Variants in ERCC4 observed in about 807,000 individuals in gnomAD.
ERCC4 encodes the protein ERCC excision repair 4, endonuclease catalytic subunit, also known as DNA repair endonuclease XPF.
Under a neutral mutation model 76.9 loss-of-function variants are expected in ERCC4, and 65 were observed. That is an observed-to-expected ratio of 0.84 (90% CI 0.69 to 1.04). ERCC4 has a LOEUF of 1.04. Ranked by LOEUF, ERCC4 falls within the 50% of genes least tolerant of loss-of-function variation. The pLI, the probability that ERCC4 is intolerant of heterozygous loss-of-function variation, is 0.00. For missense variants in ERCC4, 1,214 were observed against 1,128.2 expected (o/e 1.08, Z -1.09); for synonymous variants, 463 against 410.1 (o/e 1.13, Z -1.56).
At chr16:13,922,400 C>A in intron 2 of ERCC4, 189 bp downstream of exon 2, 1 of 760,594 alleles carries the variant, frequency 1.3e-6, no homozygotes, top group Admixed American at 1.7e-5. Context: ...GGTGTTCGGT[C>A]CTTGCAGGCT....
chr16:13,940,042 A>G (rs1019480087), intron 9 of ERCC4, among the ~76,000 whole-genome samples: 2 of 152,234 alleles, frequency 1.3e-5, no homozygotes, highest in African/African-American at 2.4e-5. Context: ...TAGAACTCAC[A>G]TGAGTCAGAA....
chr16:13,922,621 G>A, intron 2 of ERCC4: 1 of 585,196 alleles, frequency 1.7e-6, no homozygotes, highest in South Asian at 1.7e-5. Context: ...GCAGCAAATA[G>A]GCTGCACATG....
chr16:13,920,408 G>A, intron 1 of ERCC4, 36 bp downstream of exon 1: 2 of 1,522,340 alleles, frequency 1.3e-6, no homozygotes, highest in Non-Finnish European at 1.8e-6. Context: ...AGGGGACTCC[G>A]AGAGTGTTGA....
rs565318315 is a variant in ERCC4 at position 13,948,886 on chromosome 16, G to A, written c.*539G>A. The A allele has an allele frequency of 1.9e-4, 45 of 232,458 alleles. No homozygotes were observed. Among genetic ancestry groups the A allele is most frequent in the Admixed American group, 5.6e-4 (10 of 17,756 alleles). The allele number at this position is 232,458 out of a possible 1,614,324, so 14.4% of individuals were successfully genotyped here. On this transcript the variant is annotated 3_prime_UTR_variant, in exon 11 of 11. Coordinates refer to ENST00000311895, the MANE Select transcript of ERCC4 (RefSeq NM_005236.3). ...AACTGATGTTTGTGTAGGAAATCAT[G>A]TTCTGACCCTTTGTCTACAAAGGAG...
Position 13,926,696 on chromosome 16 carries a change from T to G in ERCC4, c.524T>G (p.Phe175Cys). Reference sequence around the variant, plus strand: ...AATGCTGTTGCCTTTGATACTGGTTTTTGTCATGTGGAAAGAGTGATGAGA... The same window carrying G: ...AATGCTGTTGCCTTTGATACTGGTTGTTGTCATGTGGAAAGAGTGATGAGA... ...TDNAVAFDTG[F>C]CHVERVMRNL... The change falls in exon 3 of 11, where the codon TTT becomes TGT. Residue 175 changes from phenylalanine (F) to cysteine (C), a missense_variant. Coordinates refer to ENST00000311895, the MANE Select transcript of ERCC4 (RefSeq NM_005236.3). 2.5e-6 allele frequency: 4 copies of G among 1,614,172 alleles called. No individual in the cohort carries two copies. The highest frequency in any genetic ancestry group is 3.4e-6 in the Non-Finnish European group (4 of 1,180,018).
At chr16:13,920,611 G>C (rs1798475322) in intron 1 of ERCC4, among the ~76,000 whole-genome samples, 1 of 151,962 alleles carries the variant, frequency 6.6e-6, no homozygotes, top group African/African-American at 2.4e-5. Context: ...ACACCGTGCG[G>C]GGACACTGAT....
At position 13,944,786 on chromosome 16, in the gene ERCC4, A is replaced by G; in HGVS notation, c.1968A>G (p.Leu656=). Residue 656 remains leucine, a synonymous_variant, in exon 10 of 11, where the codon CTA becomes CTG. Coordinates refer to ENST00000311895, the MANE Select transcript of ERCC4 (RefSeq NM_005236.3). ...REGRDETNLD[L]VRGTASADVS... is the part of the protein sequence containing the mutation. Reference sequence around the variant, plus strand: ...GCAGAGATGAAACAAACTTAGACCTAGTAAGAGGCACAGCATCTGCAGATG... The same window carrying G: ...GCAGAGATGAAACAAACTTAGACCTGGTAAGAGGCACAGCATCTGCAGATG... 2 of 1,614,098 alleles carry G rather than the reference A, an allele frequency of 1.2e-6. No individual in the cohort carries two copies. The highest frequency in any genetic ancestry group is 1.6e-4 in the Middle Eastern group (1 of 6,062).
In ERCC4 at chr16:13,950,030, C is replaced by T. The variant is rs1292861065; in HGVS notation, c.*1683C>T. 6 of 203,322 alleles carry T rather than the reference C, an allele frequency of 3.0e-5. No homozygotes were observed. The highest frequency in any genetic ancestry group is 4.6e-5 in the African/African-American group (2 of 43,628). 12.6% of individuals were successfully genotyped at this position (203,322 alleles called of 1,614,324 possible). A position where few individuals can be genotyped will look rare whatever the true frequency, so the allele number is the denominator to read the frequency against. ...AGGCTGGAGTGCAGTGGCGCAATCTCGGCTCACTGCAACCTCGCCTGCTGG... is the reference window on the plus strand; with the variant it reads ...AGGCTGGAGTGCAGTGGCGCAATCTTGGCTCACTGCAACCTCGCCTGCTGG... On this transcript the variant is annotated 3_prime_UTR_variant, in exon 11 of 11. Transcript: ENST00000311895.
intron 10 of ERCC4, among the ~76,000 whole-genome samples, chr16:13,945,636 A>G (rs1303061435): frequency 6.6e-6 from 1 of 152,136 alleles, no homozygotes; most frequent in Non-Finnish European, 1.5e-5. Flanking sequence ...AGAAATTCCA[A>G]CTCAGTGGAT....
chr16:13,944,538 T>C (rs1474899201), intron 9 of ERCC4, among the ~76,000 whole-genome samples, 185 bp from the exon 10 acceptor site: 7 of 152,222 alleles, frequency 4.6e-5, no homozygotes, highest in Non-Finnish European at 1.0e-4. Flanking sequence ...TTACTGACTT[T>C]TTCTACTTCC....
Position 13,950,726 on chromosome 16 carries a change from T to C in ERCC4, c.*2379T>C. ...TGTGGTTTCTATTTTTTTCCTCTTG[T>C]ATAATTCCACTTGCTTTTAATTGTT... On this transcript the variant is annotated 3_prime_UTR_variant, in exon 11 of 11. Transcript: ENST00000311895. The C allele has an allele frequency of 5.2e-6, 1 of 193,726 alleles. No homozygotes were observed. Among genetic ancestry groups the C allele is most frequent in the Non-Finnish European group, 1.1e-5 (1 of 92,984 alleles). 12.0% of individuals were successfully genotyped at this position (193,726 alleles called of 1,614,324 possible).
At position 13,949,046 on chromosome 16, in the gene ERCC4, A is replaced by G. The variant is rs1596637664; in HGVS notation, c.*699A>G. On this transcript the variant is annotated 3_prime_UTR_variant, in exon 11 of 11. Coordinates refer to ENST00000311895, the MANE Select transcript of ERCC4 (RefSeq NM_005236.3). ...GGAGCCTTCCTACTACTAATTCAAGACAGTCTCCTCAAAAACTGGTTGACT... is the reference window on the plus strand; with the variant it reads ...GGAGCCTTCCTACTACTAATTCAAGGCAGTCTCCTCAAAAACTGGTTGACT... 4.3e-6 allele frequency: 1 copy of G among 233,096 alleles called. No homozygotes were observed. The highest frequency in any genetic ancestry group is 1.8e-4 in the South Asian group (1 of 5,524). 14.4% of individuals were successfully genotyped at this position (233,096 alleles called of 1,614,324 possible).
At chr16:13,934,966 T>G (rs2032253732) in intron 7 of ERCC4, 180 bp from the exon 8 acceptor site, 1 of 586,666 alleles carries the variant, frequency 1.7e-6, no homozygotes, top group Non-Finnish European at 3.0e-6. Flanking sequence ...TAAGTAATCT[T>G]GCCAGAGAGG....
intron 9 of ERCC4, among the ~76,000 whole-genome samples, chr16:13,941,683 A>G (rs1421435702): frequency 7.9e-5 from 12 of 152,214 alleles, no homozygotes; most frequent in African/African-American, 2.9e-4. Flanking sequence ...TTTTATTTCT[A>G]CCCAGGGACG....
In ERCC4 at chr16:13,944,838, G is replaced by T; in HGVS notation, c.2017+3G>T. 2 of 1,587,096 alleles carry T rather than the reference G, an allele frequency of 1.3e-6. No individual in the cohort carries two copies. Among genetic ancestry groups the T allele is most frequent in the Non-Finnish European group, 1.7e-6 (2 of 1,155,618 alleles). Reference sequence around the variant, plus strand: ...TTCCACTGACACTCGGAAAGCCGGTGAGTCCTGCACTTTGTCAGGCACCTC... The same window carrying T: ...TTCCACTGACACTCGGAAAGCCGGTTAGTCCTGCACTTTGTCAGGCACCTC... On this transcript the variant is annotated splice_donor_region_variant and intron_variant, in intron 10 of 10. Transcript: ENST00000311895.
chr16:13,930,936 A>G (rs758405289), intron 5 of ERCC4, 46 bp downstream of exon 5: 1 of 1,368,170 alleles, frequency 7.3e-7, no homozygotes, highest in Admixed American at 1.7e-5. Flanking sequence ...TGATTTGAAT[A>G]AAGTGTTAGG....
intron 9 of ERCC4, 144 bp from the exon 10 acceptor site, chr16:13,944,578 CT>C (rs1162842672): frequency 3.0e-6 from 2 of 668,854 alleles, no homozygotes; most frequent in Non-Finnish European, 5.5e-6. Context: ...GGCATATTTA[CT>C]TCTAATATAT....
At chr16:13,920,613 G>T (rs918475079) in intron 1 of ERCC4, among the ~76,000 whole-genome samples, 1 of 151,912 alleles carries the variant, frequency 6.6e-6, no homozygotes, top group African/African-American at 2.4e-5. Flanking sequence ...ACCGTGCGGG[G>T]ACACTGATAA....
chr16:13,921,098 G>C (rs1275176374), intron 1 of ERCC4, among the ~76,000 whole-genome samples: 3 of 152,148 alleles, frequency 2.0e-5, no homozygotes, highest in Admixed American at 2.0e-4. Flanking sequence ...TCCCTGAAAG[G>C]GAACAGTGAT....
Sources: gnomAD v4.1 joint callset for allele counts (sites outside exome capture counted in the v4.1 genomes callset) on GRCh38, gnomAD v4.1.1 for gene constraint, MANE v1.5 for transcripts, NCBI Gene and HGNC (gene_info 2026-07-23, HGNC 2026-07-21) for gene names.